ABCC9: variants seen among roughly 807,000 people sequenced by gnomAD.
ABCC9 encodes ATP-binding cassette sub-family C member 9.
In ABCC9, 95 loss-of-function variants were observed where a neutral mutation model predicts 188.3. That is an observed-to-expected ratio of 0.50 (90% CI 0.43 to 0.60). The LOEUF (loss-of-function observed/expected upper bound fraction) is 0.60. ABCC9 is among the 20% of genes least tolerant of loss of function. The pLI, the probability that ABCC9 is intolerant of heterozygous loss-of-function variation, is 0.00. For synonymous variants in ABCC9, 659 were observed against 652.7 expected, an observed-to-expected ratio of 1.01 and a Z score of -0.15; for missense variants, 1,102 against 1,876.3, an observed-to-expected ratio of 0.59 and a Z score of 7.62.
At chr12:21,845,165 G>C (rs923098383) in intron 26 of ABCC9, among the ~76,000 whole-genome samples, 1 of 151,990 alleles carries the variant, frequency 6.6e-6, no homozygotes, top group Admixed American at 6.6e-5. Context: ...GAAAGAGTTT[G>C]TTTTCAGGTT....
chr12:21,894,961 T>C (rs1009813048), intron 13 of ABCC9, among the ~76,000 whole-genome samples: 11 of 152,322 alleles, frequency 7.2e-5, no homozygotes, highest in African/African-American at 2.6e-4. Context: ...TGTTTGCAAA[T>C]GTACCAGCAT....
At chr12:21,866,538 A>G (rs1378583070) in intron 18 of ABCC9, among the ~76,000 whole-genome samples, 1 of 152,188 alleles carries the variant, frequency 6.6e-6, no homozygotes, top group Non-Finnish European at 1.5e-5. Flanking sequence ...CTAAACAGTA[A>G]GCTTCATGAA....
intron 21 of ABCC9, 21 bp from the exon 22 acceptor site, chr12:21,859,687 A>G (rs773811561): frequency 1.2e-6 from 2 of 1,601,468 alleles, no homozygotes; most frequent in South Asian, 1.1e-5. Context: ...GACACCCCCA[A>G]ATACCCATTT....
At chr12:21,845,351 C>A (rs906516633) in intron 26 of ABCC9, among the ~76,000 whole-genome samples, 1 of 138,736 alleles carries the variant, frequency 7.2e-6, no homozygotes, top group Non-Finnish European at 1.7e-5. Context: ...TGTATAAACT[C>A]TCTTGAATAC....
Position 21,933,805 on chromosome 12 carries a change from T to G in ABCC9, c.261A>C (p.Ile87=). 1 of 1,613,618 alleles carries G rather than the reference T, an allele frequency of 6.2e-7. No homozygotes were observed. Among genetic ancestry groups the G allele is most frequent in the Non-Finnish European group, 8.5e-7 (1 of 1,179,616 alleles). ...ACGAGTCTGAAACAATGCCTTCTGC[T>G]ATTTCACAGACATGCACAAACAGGA... The part of the protein sequence containing the change: ...FALLFVHVCE[I]AEGIVSDSRR... The change falls in exon 4 of 40, where the codon ATA becomes ATC. Residue 87 remains isoleucine (I), a synonymous_variant. Transcript: ENST00000261200.
At chr12:21,853,697 A>G (rs1945082522) in intron 22 of ABCC9, among the ~76,000 whole-genome samples, 1 of 152,186 alleles carries the variant, frequency 6.6e-6, no homozygotes, top group Non-Finnish European at 1.5e-5. Flanking sequence ...GGATCTTAAA[A>G]ATAGGAGAGC....
chr12:21,874,062 G>A (rs1381774909), intron 17 of ABCC9, among the ~76,000 whole-genome samples: 1 of 151,940 alleles, frequency 6.6e-6, no homozygotes, highest in Non-Finnish European at 1.5e-5. Context: ...AGAATGAAAA[G>A]GAGACCTACG....
intron 5 of ABCC9, chr12:21,925,520 A>T: frequency 1.4e-6 from 1 of 702,648 alleles, no homozygotes. Flanking sequence ...CCTTGGGAAA[A>T]TGTCCTTGGA....
intron 18 of ABCC9, among the ~76,000 whole-genome samples, chr12:21,871,949 A>T (rs916856587): frequency 6.6e-6 from 1 of 152,256 alleles, no homozygotes; most frequent in African/African-American, 2.4e-5. Flanking sequence ...CTAAATAAGT[A>T]TAATTTACTC....
At chr12:21,904,264 T>C (rs555647563) in intron 12 of ABCC9, among the ~76,000 whole-genome samples, 1 of 152,140 alleles carries the variant, frequency 6.6e-6, no homozygotes. Context: ...TTACACCTTA[T>C]ACAAAAAATA....
chr12:21,866,702 T>C (rs1456534945), intron 18 of ABCC9, among the ~76,000 whole-genome samples: 1 of 151,962 alleles, frequency 6.6e-6, no homozygotes, highest in Non-Finnish European at 1.5e-5. Flanking sequence ...TTTCAAGGAG[T>C]CGTCGATGGG....
intron 15 of ABCC9, among the ~76,000 whole-genome samples, chr12:21,885,692 G>T (rs1232745281): frequency 6.6e-6 from 1 of 152,058 alleles, no homozygotes; most frequent in Non-Finnish European, 1.5e-5. Flanking sequence ...GCATTTTGAG[G>T]CGTTGTTCCT....
chr12:21,860,856 A>C lies in ABCC9; in HGVS notation c.2424+115T>G, dbSNP rs1170905728. On this transcript the variant is annotated intron_variant, in intron 21 of 39. Coordinates refer to ENST00000261200, the MANE Select transcript of ABCC9 (RefSeq NM_020297.4). ...TGGTTTTCTGGAACTTCTTACTGGG[A>C]CAACATACAACTCCTAAGCTCTCAA... is the stretch of plus-strand genomic sequence containing the variant. 3.6e-6 allele frequency: 3 copies of C among 825,078 alleles called. No homozygotes were observed. The East Asian group carries it at 7.8e-5, about 21-fold the overall frequency. 51.1% of individuals were successfully genotyped at this position (825,078 alleles called of 1,614,324 possible).
chr12:21,866,643 T>A (rs1342850764), intron 18 of ABCC9, among the ~76,000 whole-genome samples: 1 of 152,208 alleles, frequency 6.6e-6, no homozygotes, highest in African/African-American at 2.4e-5. Flanking sequence ...AAATATTTTT[T>A]AACAAATTAA....
At chr12:21,822,383 A>G (rs1006576227) in intron 31 of ABCC9, among the ~76,000 whole-genome samples, 1 of 151,828 alleles carries the variant, frequency 6.6e-6, no homozygotes, top group Non-Finnish European at 1.5e-5. Flanking sequence ...CTTGATTTGC[A>G]TAAGGGATGA....
At chr12:21,904,261 T>G (rs1313538626) in intron 12 of ABCC9, among the ~76,000 whole-genome samples, 1 of 152,182 alleles carries the variant, frequency 6.6e-6, no homozygotes, top group Non-Finnish European at 1.5e-5. Context: ...TCTTTACACC[T>G]TATACAAAAA....
At chr12:21,854,018 GC>G (rs1395752140) in intron 22 of ABCC9, among the ~76,000 whole-genome samples, 1 of 152,120 alleles carries the variant, frequency 6.6e-6, no homozygotes, top group African/African-American at 2.4e-5. Flanking sequence ...TGTCTTATGG[GC>G]CCAAGAAAGA....
Position 21,841,665 on chromosome 12 carries a change from A to AT in ABCC9, c.3473+648dup, listed in dbSNP as rs1296192912. ...GGCCACCACGCCCGGCCTATGTTTG[A>AT]TTTTTTGTTTTCTATCAATGTCATG... is the stretch of plus-strand genomic sequence containing the variant. On this transcript the variant is annotated intron_variant, in intron 29 of 39. Coordinates refer to ENST00000261200, the MANE Select transcript of ABCC9 (RefSeq NM_020297.4). Among the ~76,000 whole-genome samples the AT allele has an allele frequency of 5.9e-5, 9 of 151,872 alleles. No individual in the cohort carries two copies. The South Asian group carries it at 6.2e-4, about 11-fold the overall frequency.
chr12:21,904,367 G>A (rs1316595647), intron 12 of ABCC9, among the ~76,000 whole-genome samples: 6 of 152,056 alleles, frequency 3.9e-5, no homozygotes, highest in Non-Finnish European at 2.9e-5. Context: ...CATTGGCATG[G>A]GCAAGGACTT....
Sources: allele counts gnomAD v4.1 joint callset (sites outside exome capture counted in the v4.1 genomes callset), GRCh38; gene constraint gnomAD v4.1.1; transcripts MANE v1.5; gene names NCBI Gene and HGNC (gene_info 2026-07-23, HGNC 2026-07-21).